Variants in GABRA2 observed in about 807,000 individuals in gnomAD.
The protein encoded by GABRA2 is gamma-aminobutyric acid type A receptor subunit alpha2, also known as gamma-aminobutyric acid receptor subunit alpha-2.
In GABRA2, 16 loss-of-function variants were observed where a neutral mutation model predicts 48.7. The ratio of observed to expected loss-of-function variants is 0.33; its 90% confidence interval spans 0.22 to 0.50. The LOEUF is 0.50. Ranked by LOEUF, GABRA2 falls within the 20% of genes least tolerant of loss-of-function variation. The probability of loss-of-function intolerance (pLI) is 0.98; values close to 1 mark genes in which losing one functional copy is unlikely to be tolerated. For missense variants in GABRA2, 275 were observed against 535.6 expected (o/e 0.51, Z 4.80); for synonymous variants, 185 against 184.5 (o/e 1.00, Z -0.02).
At chr4:46,389,040 G>A (rs112819860) in intron 1 of GABRA2, 1 of 981,546 alleles carries the variant, frequency 1.0e-6, no homozygotes, top group Non-Finnish European at 1.2e-6. Flanking sequence ...TTGCGCACAC[G>A]TAATAATAAC....
At chr4:46,355,469 C>T (rs1158960101) in intron 3 of GABRA2, among the ~76,000 whole-genome samples, 1 of 151,984 alleles carries the variant, frequency 6.6e-6, no homozygotes, top group Non-Finnish European at 1.5e-5. Flanking sequence ...CCATTTTTTC[C>T]CCCAGTAGAC....
chr4:46,337,053 T>A lies in GABRA2; in HGVS notation c.188-4371A>T, dbSNP rs279836. Among the ~76,000 whole-genome samples the A allele has an allele frequency of 0.38, 58,226 of 151,976 alleles. 11,828 individuals carry two copies. Among genetic ancestry groups the A allele is most frequent in the East Asian group, 0.57 (2,940 of 5,152 alleles). On this transcript the variant is annotated intron_variant, in intron 3 of 9. Coordinates refer to ENST00000381620, the MANE Select transcript of GABRA2 (RefSeq NM_000807.4). ...GAACAAAATTGATGTTCAATTATGA[T>A]TTATTTTACGATTCACTTAAAATAG...
intron 4 of GABRA2, among the ~76,000 whole-genome samples, chr4:46,321,020 T>C (rs554557008): frequency 4.8e-4 from 73 of 152,016 alleles, no homozygotes; most frequent in African/African-American, 1.7e-3. Context: ...ACATAATATA[T>C]ATGTACAATG....
chr4:46,299,159 C>T (rs1279111437), intron 8 of GABRA2, among the ~76,000 whole-genome samples: 1 of 151,424 alleles, frequency 6.6e-6, no homozygotes, highest in African/African-American at 2.4e-5. Context: ...ACAAAGGAAA[C>T]ATGAATGACA....
chr4:46,312,229 A>C (rs1017703038), intron 5 of GABRA2, among the ~76,000 whole-genome samples: 1 of 109,644 alleles, frequency 9.1e-6, no homozygotes, highest in Non-Finnish European at 1.8e-5. Flanking sequence ...ACTTAATAAA[A>C]ATGTCGTGAA....
intron 4 of GABRA2, among the ~76,000 whole-genome samples, chr4:46,327,584 T>G (rs2109785885): frequency 6.6e-6 from 1 of 152,158 alleles, no homozygotes; most frequent in East Asian, 1.9e-4. Context: ...AAATGGCAAC[T>G]TCTGATAAAG....
At chr4:46,334,483 T>C (rs1731880478) in intron 3 of GABRA2, among the ~76,000 whole-genome samples, 1 of 152,144 alleles carries the variant, frequency 6.6e-6, no homozygotes. Context: ...GAAATTAAAA[T>C]GTGAAGGTAG....
intron 8 of GABRA2, among the ~76,000 whole-genome samples, chr4:46,302,150 C>T (rs916139812): frequency 7.3e-5 from 11 of 151,704 alleles, no homozygotes; most frequent in African/African-American, 2.7e-4. Context: ...CTCACGATAG[C>T]CTCAATCTCC....
rs117348543 is a variant in GABRA2 at position 46,268,421 on chromosome 4, G to A, written c.857-6293C>T. 3.3e-5 allele frequency among the ~76,000 whole-genome samples: 5 copies of A among 151,998 alleles called. No individual in the cohort carries two copies. In the East Asian group the frequency reaches 9.7e-4, roughly 29 times the overall value. On this transcript the variant is annotated intron_variant, in intron 8 of 9. Coordinates refer to ENST00000381620, the MANE Select transcript of GABRA2 (RefSeq NM_000807.4). Reference sequence around the variant, plus strand: ...TATTCCTCAAGGGAAGACGTTAATAGTTGACAGATACATGAAAAAAATGGC... The same window carrying A: ...TATTCCTCAAGGGAAGACGTTAATAATTGACAGATACATGAAAAAAATGGC...
chr4:46,331,813 C>A (rs2109808624), intron 4 of GABRA2, among the ~76,000 whole-genome samples: 1 of 152,220 alleles, frequency 6.6e-6, no homozygotes. Flanking sequence ...CTCACTGCAA[C>A]TTCGACCTCC....
Position 46,326,145 on chromosome 4 carries a change from C to T in GABRA2, c.255+6470G>A, listed in dbSNP as rs564806858. On this transcript the variant is annotated intron_variant, in intron 4 of 9. Coordinates refer to ENST00000381620, the MANE Select transcript of GABRA2 (RefSeq NM_000807.4). ...TATTGATAGTGTGATAGGAATAAAT[C>T]TTATTTAGTTTTTACAAAAGAATGG... Among the ~76,000 whole-genome samples, 30 of 151,940 alleles carry T rather than the reference C, an allele frequency of 2.0e-4. No homozygotes were observed. In the East Asian group the frequency reaches 5.8e-3, roughly 30 times the overall value.
intron 3 of GABRA2, among the ~76,000 whole-genome samples, chr4:46,343,349 A>G (rs1463098132): frequency 3.3e-5 from 5 of 151,992 alleles, no homozygotes; most frequent in Non-Finnish European, 7.4e-5. Context: ...GGAACCAACC[A>G]TTTAGCCTGA....
chr4:46,313,192 GA>G (rs1289653234), intron 4 of GABRA2, among the ~76,000 whole-genome samples: 1 of 147,490 alleles, frequency 6.8e-6, no homozygotes, highest in Non-Finnish European at 1.5e-5. Context: ...AAACATAACA[GA>G]AAAAATTAAA....
intron 4 of GABRA2, among the ~76,000 whole-genome samples, chr4:46,324,325 GA>G (rs1175452035): frequency 6.6e-6 from 1 of 151,798 alleles, no homozygotes; most frequent in Non-Finnish European, 1.5e-5. Context: ...CTCATCATGG[GA>G]TCTGAGACTT....
chr4:46,267,505 C>A (rs1386598215), intron 8 of GABRA2, among the ~76,000 whole-genome samples: 1 of 151,758 alleles, frequency 6.6e-6, no homozygotes, highest in Non-Finnish European at 1.5e-5. Flanking sequence ...TGGGTTATAG[C>A]TTCTCTTTAT....
At chr4:46,321,427 C>T (rs1178012317) in intron 4 of GABRA2, among the ~76,000 whole-genome samples, 2 of 151,994 alleles carry the variant, frequency 1.3e-5, no homozygotes, top group East Asian at 1.9e-4. Context: ...ACTGTAGTAG[C>T]CACTTACTAT....
intron 3 of GABRA2, among the ~76,000 whole-genome samples, chr4:46,381,173 G>A (rs1371612957): frequency 5.9e-5 from 9 of 152,122 alleles, no homozygotes; most frequent in Admixed American, 5.2e-4. Context: ...TTGATCATGT[G>A]GATGCCAGCT....
At chr4:46,255,253 G>T (rs1246996046) in intron 9 of GABRA2, among the ~76,000 whole-genome samples, 3 of 146,994 alleles carry the variant, frequency 2.0e-5, no homozygotes, top group Non-Finnish European at 4.5e-5. Context: ...CGCTTACTAT[G>T]ATAAAAATGT....
intron 3 of GABRA2, among the ~76,000 whole-genome samples, chr4:46,356,481 A>G (rs1228854621): frequency 1.3e-5 from 2 of 151,246 alleles, no homozygotes; most frequent in South Asian, 2.1e-4. Context: ...CCACATGTAT[A>G]GTATCTAACA....
Sources: gnomAD v4.1 joint callset for allele counts (sites outside exome capture counted in the v4.1 genomes callset) on GRCh38, gnomAD v4.1.1 for gene constraint, MANE v1.5 for transcripts, NCBI Gene and HGNC (gene_info 2026-07-23, HGNC 2026-07-21) for gene names.